Variants in FANCE observed in about 807,000 individuals in gnomAD.
The protein encoded by FANCE is FA complementation group E.
Under a neutral mutation model 57.8 loss-of-function variants are expected in FANCE, and 42 were observed. The ratio of observed to expected loss-of-function variants is 0.73; its 90% CI spans 0.57 to 0.94. FANCE has a LOEUF of 0.94. Among genes scored for constraint, FANCE ranks in the 40% least tolerant of loss-of-function variants. The probability of loss-of-function intolerance (pLI) is 0.00; values close to 1 mark genes in which losing one functional copy is unlikely to be tolerated. For synonymous variants in FANCE, 251 were observed against 286.4 expected (o/e 0.88, Z 1.25); for missense variants, 608 against 661.8 (o/e 0.92, Z 0.89).
At chr6:35,465,616 C>A (rs1264079450) in intron 9 of FANCE, among the ~76,000 whole-genome samples, 1 of 152,238 alleles carries the variant, frequency 6.6e-6, no homozygotes, top group East Asian at 1.9e-4. Flanking sequence ...GAACATGCTT[C>A]TGTTGCACAG....
intron 7 of FANCE, 43 bp from the exon 8 acceptor site, chr6:35,460,509 G>A (rs1367755470): frequency 6.3e-7 from 1 of 1,581,618 alleles, no homozygotes; most frequent in Non-Finnish European, 8.7e-7. Context: ...CTCAGGCTTG[G>A]GTGGGAGGCC....
chr6:35,458,192 G>A, intron 4 of FANCE, 105 bp from the exon 5 acceptor site: 8 of 1,497,992 alleles, frequency 5.3e-6, no homozygotes, highest in African/African-American at 1.4e-5. Context: ...CTTTGCCCTG[G>A]AGTATCTTTG....
At chr6:35,466,026 CT>C (rs1486989516) in intron 9 of FANCE, among the ~76,000 whole-genome samples, 2 of 152,174 alleles carry the variant, frequency 1.3e-5, no homozygotes, top group African/African-American at 4.8e-5. Context: ...TGATTGTCAA[CT>C]GTTACTAATG....
intron 8 of FANCE, among the ~76,000 whole-genome samples, 164 bp from the exon 9 acceptor site, chr6:35,462,625 A>C (rs1767637808): frequency 6.6e-6 from 1 of 152,104 alleles, no homozygotes; most frequent in South Asian, 2.1e-4. Flanking sequence ...AGATATCCTG[A>C]GCCTCATTTT....
Position 35,457,617 on chromosome 6 carries a change from T to G in FANCE, c.900+17T>G. 1 of 1,613,518 alleles carries G rather than the reference T, an allele frequency of 6.2e-7. No individual in the cohort carries two copies. Among genetic ancestry groups the G allele is most frequent in the Non-Finnish European group, 8.5e-7 (1 of 1,179,748 alleles). ...TTGGAGGAGGTGACTGGCCCCACAG[T>G]GCTCACCATAGCCTTTCTTCCATCT... On this transcript the variant is annotated intron_variant, in intron 3 of 9. Coordinates refer to ENST00000229769, the MANE Select transcript of FANCE (RefSeq NM_021922.3).
intron 1 of FANCE, among the ~76,000 whole-genome samples, chr6:35,453,823 A>T (rs771809831): frequency 2.2e-4 from 34 of 152,216 alleles, no homozygotes; most frequent in Non-Finnish European, 4.0e-4. Flanking sequence ...CTTATTCTGG[A>T]TAGAGTAAGG....
chr6:35,453,325 C>T (rs530525979), intron 1 of FANCE, among the ~76,000 whole-genome samples: 1 of 151,880 alleles, frequency 6.6e-6, no homozygotes, highest in Admixed American at 6.6e-5. Context: ...TTTTTTTAAC[C>T]TCTCTGTGGC....
In FANCE at chr6:35,452,596, G is replaced by T; in HGVS notation, c.51G>T (p.Ala17=). ...CTGGGGCTGAGGGCGTGGAGCCGGC[G>T]CCCTGGGCGCAGCTGGAGGCCCCCG... is the stretch of plus-strand genomic sequence containing the variant. ...GLPGAEGVEP[A]PWAQLEAPAR... Residue 17 remains alanine, a synonymous_variant, in exon 1 of 10, where the codon GCG becomes GCT. Coordinates refer to ENST00000229769, the MANE Select transcript of FANCE (RefSeq NM_021922.3). 6 of 1,321,482 alleles carry T rather than the reference G, an allele frequency of 4.5e-6. No individual in the cohort carries two copies. The highest frequency in any genetic ancestry group is 4.8e-6 in the Non-Finnish European group (5 of 1,032,624). The allele number at this position is 1,321,482 out of a possible 1,614,324, so 81.9% of individuals were successfully genotyped here.
chr6:35,453,521 G>A (rs1767197706), intron 1 of FANCE, among the ~76,000 whole-genome samples: 1 of 152,084 alleles, frequency 6.6e-6, no homozygotes, highest in Non-Finnish European at 1.5e-5. Flanking sequence ...AACTAGCAAA[G>A]TTAACTAAAA....
At chr6:35,455,638 C>T (rs747307004) in intron 1 of FANCE, 109 bp from the exon 2 acceptor site, 141 of 1,317,466 alleles carry the variant, frequency 1.1e-4, no homozygotes, top group Non-Finnish European at 1.3e-4. Flanking sequence ...GCAGATACTG[C>T]GTGCCAGCCC....
At chr6:35,462,743 C>T (rs750217809) in intron 8 of FANCE, 46 bp from the exon 9 acceptor site, 1 of 1,613,130 alleles carries the variant, frequency 6.2e-7, no homozygotes, top group East Asian at 2.2e-5. Context: ...GAATGAAGAG[C>T]CCAAGCCTTT....
At chr6:35,455,389 C>T (rs1485609752) in intron 1 of FANCE, among the ~76,000 whole-genome samples, 2 of 151,918 alleles carry the variant, frequency 1.3e-5, no homozygotes, top group Non-Finnish European at 2.9e-5. Flanking sequence ...CTCACTGCAA[C>T]CTCTGACTCC....
rs2150901647 is a variant in FANCE at position 35,462,902 on chromosome 6, G to C, written c.1497G>C (p.Lys499Asn). The change falls in exon 9 of 10, where the codon AAG (lysine) becomes AAC (asparagine). Residue 499 changes from lysine to asparagine, a missense_variant. Coordinates refer to ENST00000229769, the MANE Select transcript of FANCE (RefSeq NM_021922.3). ...YAKLMLTVMT[K>N]YQANITETQR... ...AGCTCATGCTGACAGTGATGACCAA[G>C]TATCAGGCTAACGTGAGTATTGATA... The C allele has an allele frequency of 6.2e-7, 1 of 1,614,246 alleles. No individual in the cohort carries two copies.
rs148638909 is a variant in FANCE, at chr6:35,456,151, A to G, written c.653A>G (p.Lys218Arg). 22 of 1,614,042 alleles carry G rather than the reference A, an allele frequency of 1.4e-5. No homozygotes were observed. The African/African-American group carries it at 2.7e-4, about 20-fold the overall frequency. Reference protein sequence around the residue: ...AASPEGKRVPKRLRCWEEEED... With the variant: ...AASPEGKRVPRRLRCWEEEED... ...AGTCCTGAGGGGAAGAGGGTCCCCA[A>G]AAGATTACGGTGTTGGGAAGAGGAA... The change falls in exon 2 of 10, where the codon AAA (lysine) becomes AGA (arginine). Residue 218 changes from lysine to arginine, a missense_variant. Physicochemically the swap from Lys to Arg is conservative, Grantham distance 26. Transcript: ENST00000229769. The surrounding 1 kb of genome is among the most constrained non-coding windows in gnomAD (Gnocchi z 4.3).
chr6:35,462,912 A>T lies in FANCE; in HGVS notation c.1507A>T (p.Asn503Tyr), dbSNP rs2150901658. Reference protein sequence around the residue: ...MLTVMTKYQANITETQRLGLA... With the variant: ...MLTVMTKYQAYITETQRLGLA... ...GACAGTGATGACCAAGTATCAGGCT[A>T]ACGTGAGTATTGATAGGGCCTTGGG... Residue 503 changes from asparagine (N) to tyrosine (Y), a missense_variant and splice_region_variant, in exon 9 of 10, where the codon AAC (asparagine) becomes TAC (tyrosine). Coordinates refer to ENST00000229769, the MANE Select transcript of FANCE (RefSeq NM_021922.3). The T allele has an allele frequency of 6.2e-7, 1 of 1,614,180 alleles. No homozygotes were observed. Among genetic ancestry groups the T allele is most frequent in the Non-Finnish European group, 8.5e-7 (1 of 1,180,002 alleles).
At chr6:35,462,753 T>G (rs1767641992) in intron 8 of FANCE, 36 bp from the exon 9 acceptor site, 4 of 1,613,710 alleles carry the variant, frequency 2.5e-6, no homozygotes, top group East Asian at 4.5e-5. Flanking sequence ...CCCAAGCCTT[T>G]CTTGTGATTA....
In FANCE at chr6:35,462,857, C is replaced by T. The variant is rs750292691; in HGVS notation, c.1452C>T (p.Thr484=). Residue 484 remains threonine (T), a synonymous_variant, in exon 9 of 10, where the codon ACC becomes ACT. Transcript: ENST00000229769. ...TCTGTAAAAAGGGGCTGGCAGCCAC[C>T]ACCTCCATGGCCTATGCCAAGCTCA... The part of the protein sequence containing the change: ...EKLCKKGLAA[T]TSMAYAKLML... 1.2e-6 allele frequency: 2 copies of T among 1,614,086 alleles called. No homozygotes were observed. Among genetic ancestry groups the T allele is most frequent in the African/African-American group, 1.3e-5 (1 of 74,942 alleles).
intron 8 of FANCE, among the ~76,000 whole-genome samples, chr6:35,460,841 G>A (rs1767560530): frequency 6.6e-6 from 1 of 152,180 alleles, no homozygotes; most frequent in Admixed American, 6.5e-5. Flanking sequence ...CAGCTGGGGG[G>A]GCCTTGGGGG....
chr6:35,459,000 C>T (rs529697467), intron 5 of FANCE, among the ~76,000 whole-genome samples: 4 of 152,188 alleles, frequency 2.6e-5, no homozygotes, highest in South Asian at 2.1e-4. Flanking sequence ...AGGCTGGTCT[C>T]GAACTCCTGG....
Sources: gnomAD v4.1 joint callset for allele counts (sites outside exome capture counted in the v4.1 genomes callset) on GRCh38, gnomAD v4.1.1 for gene constraint, Gnocchi (gnomAD v3.1) non-coding constraint, MANE v1.5 for transcripts, NCBI Gene and HGNC (gene_info 2026-07-23, HGNC 2026-07-21) for gene names.